The following MEIKIN variants were observed in gnomAD, a reference collection of about 807,000 sequenced individuals.
MEIKIN encodes meiotic kinetochore factor.
intron 8 of MEIKIN, among the ~76,000 whole-genome samples, chr5:131,903,440 A>G (rs1751191252): frequency 6.6e-6 from 1 of 152,234 alleles, no homozygotes; most frequent in Non-Finnish European, 1.5e-5. Flanking sequence ...CCATTAGGCT[A>G]ACAGCAGACC....
At chr5:131,875,677 G>C (rs907471353) in intron 9 of MEIKIN, among the ~76,000 whole-genome samples, 2 of 152,122 alleles carry the variant, frequency 1.3e-5, no homozygotes, top group African/African-American at 4.8e-5. Context: ...AAAAGAGCCC[G>C]CATCGCCAAG....
chr5:131,922,204 G>A (rs1019324559), intron 5 of MEIKIN, among the ~76,000 whole-genome samples: 8 of 152,122 alleles, frequency 5.3e-5, no homozygotes, highest in Admixed American at 2.6e-4. Flanking sequence ...TAGCACACAT[G>A]TGAGCTGCCT....
Position 131,889,139 on chromosome 5 carries a change from T to C in MEIKIN, c.704-10091A>G, listed in dbSNP as rs191968896. 3.2e-3 allele frequency among the ~76,000 whole-genome samples: 483 copies of C among 152,300 alleles called. 3 individuals carry two copies. The highest frequency in any genetic ancestry group is 0.011 in the African/African-American group (460 of 41,554). ...CCTTGTAGTATAGTTTGGAGTTAGGTAGCGTGATGCCTCCAGCTTTGTTCT... is the reference window on the plus strand; with the variant it reads ...CCTTGTAGTATAGTTTGGAGTTAGGCAGCGTGATGCCTCCAGCTTTGTTCT... On this transcript the variant is annotated intron_variant, in intron 8 of 12. Coordinates refer to ENST00000442687, the MANE Select transcript of MEIKIN (RefSeq NM_001303622.2).
intron 9 of MEIKIN, among the ~76,000 whole-genome samples, chr5:131,873,818 C>T (rs1423980192): frequency 6.6e-6 from 1 of 152,192 alleles, no homozygotes; most frequent in Admixed American, 6.5e-5. Flanking sequence ...TGCAATCAAA[C>T]TAGAACTCAT....
chr5:131,854,232 A>AGTATTTGTCACAAAGTATTT (rs1426217583), intron 10 of MEIKIN, among the ~76,000 whole-genome samples: 2 of 152,228 alleles, frequency 1.3e-5, no homozygotes, highest in East Asian at 3.8e-4. Flanking sequence ...GACATAAACT[A>AGTATTTGTCACAAAGTATTT]GTCACAAAGG....
chr5:131,831,477 A>G (rs931693610), intron 11 of MEIKIN, among the ~76,000 whole-genome samples: 1 of 152,202 alleles, frequency 6.6e-6, no homozygotes, highest in Non-Finnish European at 1.5e-5. Context: ...AGATTGCTTA[A>G]GCCCAGGAGT....
chr5:131,932,870 T>C (rs1012346860), intron 5 of MEIKIN, among the ~76,000 whole-genome samples: 3 of 152,162 alleles, frequency 2.0e-5, no homozygotes, highest in Admixed American at 6.5e-5. Context: ...ATAGTGCAAA[T>C]TGGCTTGTTT....
At chr5:131,923,270 T>C (rs1268025812) in intron 5 of MEIKIN, among the ~76,000 whole-genome samples, 1 of 152,228 alleles carries the variant, frequency 6.6e-6, no homozygotes, top group Admixed American at 6.5e-5. Context: ...CCAGGTGTTT[T>C]AGAATTTCTA....
intron 9 of MEIKIN, among the ~76,000 whole-genome samples, chr5:131,877,508 C>G (rs2149627923): frequency 1.3e-5 from 2 of 152,040 alleles, no homozygotes; most frequent in East Asian, 3.9e-4. Flanking sequence ...CCATTTGTGG[C>G]AGTGTGTGCC....
At chr5:131,847,928 A>G (rs1169230355) in intron 11 of MEIKIN, among the ~76,000 whole-genome samples, 1 of 152,132 alleles carries the variant, frequency 6.6e-6, no homozygotes, top group Non-Finnish European at 1.5e-5. Context: ...CTTAAACACC[A>G]ATGGGCCAAA....
intron 10 of MEIKIN, among the ~76,000 whole-genome samples, chr5:131,851,984 A>C (rs549029972): frequency 6.6e-6 from 1 of 152,354 alleles, no homozygotes; most frequent in Admixed American, 6.5e-5. Flanking sequence ...CATGTTTAAC[A>C]AACACTTGTC....
At chr5:131,914,372 A>G (rs1248416620) in intron 7 of MEIKIN, among the ~76,000 whole-genome samples, 1 of 140,758 alleles carries the variant, frequency 7.1e-6, no homozygotes, top group Non-Finnish European at 1.5e-5. Context: ...CAACAGAGTA[A>G]GACTCTGTCT....
At chr5:131,840,701 C>T (rs1406966252) in intron 11 of MEIKIN, among the ~76,000 whole-genome samples, 1 of 152,222 alleles carries the variant, frequency 6.6e-6, no homozygotes, top group Non-Finnish European at 1.5e-5. Flanking sequence ...TCTATCAGGT[C>T]AATTACATTC....
At chr5:131,810,275 G>A (rs147155380) in intron 12 of MEIKIN, among the ~76,000 whole-genome samples, 214 of 152,242 alleles carry the variant, frequency 1.4e-3, no homozygotes, top group African/African-American at 4.8e-3. Context: ...ACTAGACTGA[G>A]ATATGAATTC....
chr5:131,869,130 T>C (rs1750440111), intron 9 of MEIKIN, among the ~76,000 whole-genome samples: 1 of 152,234 alleles, frequency 6.6e-6, no homozygotes, highest in Non-Finnish European at 1.5e-5. Context: ...TTTAGGTCCA[T>C]GACCCATTGT....
At chr5:131,903,960 T>TA (rs200477532) in intron 8 of MEIKIN, among the ~76,000 whole-genome samples, 15 of 143,728 alleles carry the variant, frequency 1.0e-4, no homozygotes, top group East Asian at 2.0e-4. Context: ...CCAAGCCAAT[T>TA]AAAAAAAAAC....
At chr5:131,910,284 T>A (rs898354554) in intron 8 of MEIKIN, among the ~76,000 whole-genome samples, 1 of 152,118 alleles carries the variant, frequency 6.6e-6, no homozygotes, top group African/African-American at 2.4e-5. Flanking sequence ...TGAATGAAAC[T>A]GAAGGTCATT....
At chr5:131,899,906 A>G (rs953970054) in intron 8 of MEIKIN, among the ~76,000 whole-genome samples, 1 of 152,248 alleles carries the variant, frequency 6.6e-6, no homozygotes, top group African/African-American at 2.4e-5. Context: ...CACTGGACAG[A>G]TCTTCCAAAC....
Position 131,945,579 on chromosome 5 carries a change from TAA to T in MEIKIN, c.-76_-75del. ...GGCCTGCCTTCCTGAGGATCAGGGC[TAA>T]GTCACAGGGAGTCAGCGTCCAGGCG... On this transcript the variant is annotated 5_prime_UTR_variant, in exon 1 of 13. Coordinates refer to ENST00000442687, the MANE Select transcript of MEIKIN (RefSeq NM_001303622.2). 1 of 399,924 alleles carries T rather than the reference TAA, an allele frequency of 2.5e-6. No individual in the cohort carries two copies. Among genetic ancestry groups the T allele is most frequent in the Non-Finnish European group, 4.4e-6 (1 of 225,926 alleles). The allele number at this position is 399,924 out of a possible 1,614,324, so 24.8% of individuals were successfully genotyped here. A position where few individuals can be genotyped will look rare whatever the true frequency, so the allele number is the denominator to read the frequency against.
Sources: allele counts gnomAD v4.1 joint callset (sites outside exome capture counted in the v4.1 genomes callset), GRCh38; gene constraint gnomAD v4.1.1; transcripts MANE v1.5; gene names NCBI Gene and HGNC (gene_info 2026-07-23, HGNC 2026-07-21).